FAM120B: variants seen among roughly 807,000 people sequenced by gnomAD.
The protein encoded by FAM120B is family with sequence similarity 120 member B, also known as constitutive coactivator of peroxisome proliferator-activated receptor gamma.
A neutral mutation model predicts 96.3 loss-of-function variants in FAM120B; 83 were observed. That is an observed-to-expected ratio of 0.86 (90% CI 0.72 to 1.03). The LOEUF (loss-of-function observed/expected upper bound fraction) is 1.03. FAM120B is among the 50% of genes least tolerant of loss of function. The pLI is 0.00. For synonymous variants in FAM120B, 407 were observed against 402.7 expected, an observed-to-expected ratio of 1.01 and a Z score of -0.13; for missense variants, 1,027 against 1,121.2, an observed-to-expected ratio of 0.92 and a Z score of 1.20.
At chr6:170,361,220 A>ATATATATATACGTG in intron 6 of FAM120B, among the ~76,000 whole-genome samples, 1 of 109,996 alleles carries the variant, frequency 9.1e-6, no homozygotes, top group African/African-American at 4.1e-5. Context: ...ATATATATAT[A>ATATATATATACGTG]TATATATATA....
chr6:170,385,010 T>C (rs954481701), intron 6 of FAM120B, among the ~76,000 whole-genome samples: 8 of 152,176 alleles, frequency 5.3e-5, no homozygotes, highest in Admixed American at 3.3e-4. Context: ...AACGGACATA[T>C]AGAATCCTGC....
chr6:170,327,287 C>G (rs546992644), intron 3 of FAM120B, among the ~76,000 whole-genome samples: 1 of 152,118 alleles, frequency 6.6e-6, no homozygotes, highest in African/African-American at 2.4e-5. Flanking sequence ...ACCTTGTGAT[C>G]CGCCCACCTC....
intron 6 of FAM120B, among the ~76,000 whole-genome samples, chr6:170,361,227 T>TATATA: frequency 8.2e-6 from 1 of 122,660 alleles, no homozygotes; most frequent in East Asian, 2.7e-4. Flanking sequence ...TATATATATA[T>TATATA]ATATATATAC....
At chr6:170,319,151 C>T (rs771911334) in intron 2 of FAM120B, 27 bp downstream of exon 2, 30 of 1,514,530 alleles carry the variant, frequency 2.0e-5, no homozygotes, top group Non-Finnish European at 2.5e-5. Context: ...AGCCAATATG[C>T]CATGATTGAA....
At chr6:170,347,490 A>G (rs1293133700) in intron 4 of FAM120B, among the ~76,000 whole-genome samples, 4 of 152,234 alleles carry the variant, frequency 2.6e-5, no homozygotes, top group Admixed American at 6.5e-5. Flanking sequence ...TTAAACATCT[A>G]TATAAAATAT....
At chr6:170,401,400 G>C (rs1175477095) in intron 9 of FAM120B, among the ~76,000 whole-genome samples, 2 of 152,144 alleles carry the variant, frequency 1.3e-5, no homozygotes, top group African/African-American at 4.8e-5. Flanking sequence ...GACATGGGGG[G>C]CTGGCAGGAG....
At chr6:170,303,225 T>C (rs1784178495), upstream of FAM120B, among the ~76,000 whole-genome samples, 1 of 152,170 alleles carries the variant, frequency 6.6e-6, no homozygotes, top group Non-Finnish European at 1.5e-5. Context: ...TATGAGAGAA[T>C]TTACTCTACT....
rs79499208 is a variant in FAM120B at position 170,392,934 on chromosome 6, C to A, written c.2599+1813C>A. ...AACTATAGATAGACAGAGATTGAGACCCCCAAAACAAAGTTGATTTATTGC... is the reference window on the plus strand; with the variant it reads ...AACTATAGATAGACAGAGATTGAGAACCCCAAAACAAAGTTGATTTATTGC... On this transcript the variant is annotated intron_variant, in intron 8 of 10. Transcript: ENST00000476287. Among the ~76,000 whole-genome samples the A allele has an allele frequency of 1.6e-4, 24 of 152,234 alleles. No homozygotes were observed. In the East Asian group the frequency reaches 4.1e-3, roughly 26 times the overall value.
intron 4 of FAM120B, among the ~76,000 whole-genome samples, chr6:170,346,352 G>C (rs1326452913): frequency 6.6e-6 from 1 of 152,002 alleles, no homozygotes; most frequent in Non-Finnish European, 1.5e-5. Flanking sequence ...TCAGAATATG[G>C]TTATATCTGG....
Position 170,370,439 on chromosome 6 carries a change from G to A in FAM120B, c.2283+12121G>A, listed in dbSNP as rs1394857421. On this transcript the variant is annotated intron_variant, in intron 6 of 10. Transcript: ENST00000476287. This position sits in a 1 kb window ranked among gnomAD's most constrained non-coding sequence, Gnocchi z 4.3. ...GGACCCTGTTTCTGTAGGGCTCCCAGTTTCTCTGTGCCCCTGGCTTCCTCT... is the reference window on the plus strand; with the variant it reads ...GGACCCTGTTTCTGTAGGGCTCCCAATTTCTCTGTGCCCCTGGCTTCCTCT... Among the ~76,000 whole-genome samples, 1 of 152,238 alleles carries A rather than the reference G, an allele frequency of 6.6e-6. No individual in the cohort carries two copies. The highest frequency in any genetic ancestry group is 1.5e-5 in the Non-Finnish European group (1 of 68,044).
intron 5 of FAM120B, 143 bp from the exon 6 acceptor site, chr6:170,358,083 G>GGTGCCTGTGCGTGTGCCTGTAC (rs1788084531): frequency 1.8e-5 from 12 of 655,248 alleles, no homozygotes; most frequent in South Asian, 8.9e-5. Context: ...TGCACATGTG[G>GGTGCCTGTGCGTGTGCCTGTAC]GTGCCTGTGC....
At chr6:170,291,143 GC>G, upstream of FAM120B, 1 of 473,962 alleles carries the variant, frequency 2.1e-6, no homozygotes, top group Non-Finnish European at 3.8e-6. Flanking sequence ...GTCCTCCCCT[GC>G]CCCCGCCCCC....
intron 4 of FAM120B, among the ~76,000 whole-genome samples, chr6:170,347,410 G>T (rs1787262028): frequency 1.3e-5 from 2 of 152,236 alleles, no homozygotes. Context: ...CTGCAACTCA[G>T]TGTGAGTCGT....
chr6:170,348,429 T>C (rs576576447), intron 5 of FAM120B, 106 bp downstream of exon 5: 4 of 1,018,384 alleles, frequency 3.9e-6, no homozygotes, highest in Middle Eastern at 3.2e-4. Flanking sequence ...CTTTTTCCAA[T>C]GTCTGTTCCA....
intron 4 of FAM120B, among the ~76,000 whole-genome samples, chr6:170,335,930 G>A (rs912444242): frequency 2.0e-5 from 3 of 152,044 alleles, no homozygotes; most frequent in African/African-American, 2.4e-5. Context: ...TAAGTTCCTT[G>A]TAGATTCTGG....
At chr6:170,400,183 G>T (rs1254679238) in intron 9 of FAM120B, among the ~76,000 whole-genome samples, 2 of 151,988 alleles carry the variant, frequency 1.3e-5, no homozygotes, top group African/African-American at 4.8e-5. Flanking sequence ...AGTGAGTGAG[G>T]AAGGTAGAAC....
chr6:170,348,397 C>T (rs1787354766), intron 5 of FAM120B, 74 bp downstream of exon 5: 1 of 1,372,726 alleles, frequency 7.3e-7, no homozygotes, highest in East Asian at 2.3e-5. Flanking sequence ...GGGATATTGC[C>T]ATGGCTGGTG....
At chr6:170,401,335 C>T (rs1778573216) in intron 9 of FAM120B, among the ~76,000 whole-genome samples, 1 of 152,162 alleles carries the variant, frequency 6.6e-6, no homozygotes, top group Non-Finnish European at 1.5e-5. Flanking sequence ...CATTCAGCAG[C>T]TGGTGTGTGG....
Position 170,395,533 on chromosome 6 carries a change from G to T in FAM120B, c.2646G>T (p.Gly882=). ...QGSSYHRTGS[G]YSRSSQGQPW... is the part of the protein sequence containing the mutation. ...CCAGCTACCACAGGACGGGCTCTGG[G>T]TATAGCCGTTCCAGTCAGGGACAGC... The change falls in exon 9 of 11, where the codon GGG becomes GGT. Residue 882 remains glycine, a synonymous_variant. Coordinates refer to ENST00000476287, the MANE Select transcript of FAM120B (RefSeq NM_032448.3). The T allele has an allele frequency of 6.2e-6, 10 of 1,601,176 alleles. No homozygotes were observed. The highest frequency in any genetic ancestry group is 8.5e-6 in the Non-Finnish European group (10 of 1,174,022).
Sources: allele counts gnomAD v4.1 joint callset (sites outside exome capture counted in the v4.1 genomes callset), GRCh38; gene constraint gnomAD v4.1.1; non-coding constraint Gnocchi (gnomAD v3.1); transcripts MANE v1.5; gene names NCBI Gene and HGNC (gene_info 2026-07-23, HGNC 2026-07-21).